CCDC170: variants seen among roughly 807,000 people sequenced by gnomAD.
CCDC170 encodes coiled-coil domain-containing protein 170.
Under a neutral mutation model 72.6 loss-of-function variants are expected in CCDC170, and 69 were observed. The ratio of observed to expected loss-of-function variants is 0.95; its 90% CI spans 0.78 to 1.16. The LOEUF (loss-of-function observed/expected upper bound fraction) is 1.16. CCDC170 is among the 50% of genes most tolerant of loss of function. CCDC170 has a pLI of 0.00. For missense variants in CCDC170, 852 were observed against 832.5 expected (o/e 1.02, Z -0.29); for synonymous variants, 300 against 303.9 (o/e 0.99, Z 0.13).
chr6:151,547,586 G>T (rs536785044), intron 4 of CCDC170, among the ~76,000 whole-genome samples: 4 of 152,170 alleles, frequency 2.6e-5, no homozygotes, highest in African/African-American at 7.2e-5. Flanking sequence ...AGGCTCAAAG[G>T]TATATCACTT....
chr6:151,536,334 T>C lies in CCDC170; in HGVS notation c.74T>C (p.Leu25Pro), dbSNP rs1196928497. 5 of 1,613,846 alleles carry C rather than the reference T, an allele frequency of 3.1e-6. No individual in the cohort carries two copies. Among genetic ancestry groups the C allele is most frequent in the Non-Finnish European group, 4.2e-6 (5 of 1,179,810 alleles). ...TTCTACCAGGAAACTTACGATCATCTTTCGGAAGTCCCGGTCACGCGGGAG... is the reference window on the plus strand; with the variant it reads ...TTCTACCAGGAAACTTACGATCATCCTTCGGAAGTCCCGGTCACGCGGGAG... Reference protein sequence around the residue: ...SPAPEETYDHLSEVPVTREQL... With the variant: ...SPAPEETYDHPSEVPVTREQL... Residue 25 changes from leucine to proline, a missense_variant, in exon 2 of 11, where the codon CTT (leucine) becomes CCT (proline). Physicochemically the swap from Leu to Pro is moderately conservative, Grantham distance 98. Transcript: ENST00000239374.
intron 1 of CCDC170, among the ~76,000 whole-genome samples, chr6:151,534,257 G>C (rs1292226043): frequency 6.6e-6 from 1 of 151,526 alleles, no homozygotes; most frequent in African/African-American, 2.4e-5. Context: ...GGGTCTCACT[G>C]TTGCACAGGC....
chr6:151,601,639 T>C (rs954262526), intron 9 of CCDC170, among the ~76,000 whole-genome samples: 1 of 152,122 alleles, frequency 6.6e-6, no homozygotes, highest in African/African-American at 2.4e-5. Flanking sequence ...TTTTAAAGAA[T>C]TGGCTCATGC....
chr6:151,613,964 T>C (rs538179850), intron 9 of CCDC170, among the ~76,000 whole-genome samples: 1 of 152,344 alleles, frequency 6.6e-6, no homozygotes, highest in African/African-American at 2.4e-5. Context: ...CAGTAGTGTA[T>C]GAGAGTTCTA....
At chr6:151,543,909 A>C (rs1456972722) in intron 3 of CCDC170, among the ~76,000 whole-genome samples, 2 of 152,136 alleles carry the variant, frequency 1.3e-5, no homozygotes, top group Non-Finnish European at 2.9e-5. Flanking sequence ...TGCTATTATG[A>C]ATAGAACTGC....
Position 151,573,262 on chromosome 6 carries a change from G to A in CCDC170, c.863G>A (p.Trp288Ter). 5.6e-6 allele frequency: 9 copies of A among 1,614,152 alleles called. No individual in the cohort carries two copies. Among genetic ancestry groups the A allele is most frequent in the Non-Finnish European group, 7.6e-6 (9 of 1,180,020 alleles). Residue 288 changes from tryptophan (W) to a stop codon, truncating the protein, a stop_gained, in exon 6 of 11, where the codon TGG becomes TAG. Transcript: ENST00000239374. LOFTEE classifies it high-confidence loss of function. The stretch of plus-strand genomic sequence containing the variant: ...AGGCTGCTTGCTGGCCAGCAGGTCT[G>A]GGATGCCTCAAAGCAGGAAGTGAGC... ...QERLLAGQQV[W>*]DASKQEVSLL... is the part of the protein sequence containing the mutation.
At chr6:151,583,389 T>G (rs1776406578) in intron 6 of CCDC170, among the ~76,000 whole-genome samples, 1 of 152,188 alleles carries the variant, frequency 6.6e-6, no homozygotes, top group African/African-American at 2.4e-5. Flanking sequence ...GATCTCAGAT[T>G]TCAACATGCC....
intron 1 of CCDC170, among the ~76,000 whole-genome samples, chr6:151,510,527 G>A (rs905300863): frequency 1.3e-5 from 2 of 151,994 alleles, no homozygotes; most frequent in African/African-American, 4.8e-5. Flanking sequence ...CATAATGTAC[G>A]TCTGCCATGC....
At chr6:151,543,920 A>G (rs570634000) in intron 3 of CCDC170, among the ~76,000 whole-genome samples, 1 of 152,308 alleles carries the variant, frequency 6.6e-6, no homozygotes, top group South Asian at 2.1e-4. Context: ...ATAGAACTGC[A>G]GTAAACATGG....
rs868718096 is a variant in CCDC170, at chr6:151,541,883, T to C, written c.444-2689T>C. On this transcript the variant is annotated intron_variant, in intron 3 of 10. Transcript: ENST00000239374. ...AAATATAAATATATATATATATATATATATTTTTTTTTTTAAGACAGAGTC... is the reference window on the plus strand; with the variant it reads ...AAATATAAATATATATATATATATACATATTTTTTTTTTTAAGACAGAGTC... 2.7e-3 allele frequency among the ~76,000 whole-genome samples: 369 copies of C among 137,012 alleles called. 2 individuals are homozygous for C. Among genetic ancestry groups the C allele is most frequent in the Admixed American group, 2.6e-3 (37 of 14,168 alleles). 89.9% of individuals were successfully genotyped at this position (137,012 alleles called of 152,430 possible). A position where few individuals can be genotyped will look rare whatever the true frequency, so the allele number is the denominator to read the frequency against.
At chr6:151,497,144 C>A (rs1016966798) in intron 1 of CCDC170, among the ~76,000 whole-genome samples, 15 of 152,218 alleles carry the variant, frequency 9.9e-5, no homozygotes, top group African/African-American at 3.4e-4. Flanking sequence ...TTACAATCCA[C>A]TTTGGGAGGC....
At chr6:151,507,649 G>A (rs1422060545) in intron 1 of CCDC170, among the ~76,000 whole-genome samples, 4 of 152,090 alleles carry the variant, frequency 2.6e-5, no homozygotes, top group Non-Finnish European at 4.4e-5. Context: ...TTGGCCAGGC[G>A]CAGTGGCTCA....
At chr6:151,540,472 G>A (rs1029050600) in intron 3 of CCDC170, among the ~76,000 whole-genome samples, 3 of 132,344 alleles carry the variant, frequency 2.3e-5, no homozygotes, top group Middle Eastern at 4.3e-3. Flanking sequence ...TGCAACCTCC[G>A]CCTCCTGGGT....
chr6:151,582,295 C>G (rs1776389272), intron 6 of CCDC170, among the ~76,000 whole-genome samples: 2 of 152,204 alleles, frequency 1.3e-5, no homozygotes, highest in Non-Finnish European at 2.9e-5. Context: ...TCAGCACTTA[C>G]TGCTTTATCT....
chr6:151,544,161 G>C (rs981078619), intron 3 of CCDC170, among the ~76,000 whole-genome samples: 3 of 152,228 alleles, frequency 2.0e-5, no homozygotes, highest in African/African-American at 7.2e-5. Flanking sequence ...ATAAAATGAA[G>C]CTTGGTTCTC....
At chr6:151,515,336 G>A (rs562326213) in intron 1 of CCDC170, among the ~76,000 whole-genome samples, 1 of 152,238 alleles carries the variant, frequency 6.6e-6, no homozygotes, top group South Asian at 2.1e-4. Context: ...AGACTGAAGT[G>A]CAATGGTGTG....
chr6:151,514,588 G>A (rs548713932), intron 1 of CCDC170, among the ~76,000 whole-genome samples: 16 of 152,280 alleles, frequency 1.1e-4, no homozygotes, highest in African/African-American at 2.9e-4. Context: ...CATGTGACTG[G>A]AGGTCAGGCT....
intron 9 of CCDC170, among the ~76,000 whole-genome samples, chr6:151,606,522 C>G (rs775202303): frequency 1.3e-5 from 2 of 152,160 alleles, no homozygotes; most frequent in Non-Finnish European, 2.9e-5. Context: ...TTCGTTGAGA[C>G]TTGTTTTGTG....
At position 151,596,462 on chromosome 6, in the gene CCDC170, A is replaced by G. The variant is rs200108871; in HGVS notation, c.1595A>G (p.His532Arg). 1 of 1,614,126 alleles carries G rather than the reference A, an allele frequency of 6.2e-7. No individual in the cohort carries two copies. Among genetic ancestry groups the G allele is most frequent in the Non-Finnish European group, 8.5e-7 (1 of 1,180,006 alleles). The change falls in exon 9 of 11, where the codon CAT becomes CGT. Residue 532 changes from histidine to arginine, a missense_variant. By Grantham distance (29) the His-to-Arg change is conservative. Transcript: ENST00000239374. ...TTGGTGGTTGAGAGGGACAACGCGC[A>G]TCTTACCATCAGGAACTTGCAGAAG... ...TALVVERDNA[H>R]LTIRNLQKKV...
Sources: gnomAD v4.1 joint callset for allele counts (sites outside exome capture counted in the v4.1 genomes callset) on GRCh38, gnomAD v4.1.1 for gene constraint, MANE v1.5 for transcripts, NCBI Gene and HGNC (gene_info 2026-07-23, HGNC 2026-07-21) for gene names.